TBL1X: variants seen among roughly 807,000 people sequenced by gnomAD.
TBL1X encodes F-box-like/WD repeat-containing protein TBL1X.
A neutral mutation model predicts 50.7 loss-of-function variants in TBL1X; 10 were observed. The ratio of observed to expected loss-of-function variants is 0.20; its 90% CI spans 0.12 to 0.33. The LOEUF is 0.33. Among genes scored for constraint, TBL1X ranks in the 10% least tolerant of loss-of-function variants. The pLI is 1.00. For missense variants in TBL1X, 340 were observed against 504.4 expected (o/e 0.67, Z 3.12); for synonymous variants, 190 against 214.7 (o/e 0.88, Z 1.01).
chrX:9,707,758 A>C (rs898869230), intron 13 of TBL1X, among the ~76,000 whole-genome samples: 3 of 111,936 alleles, frequency 2.7e-5, no homozygotes, highest in African/African-American at 9.7e-5. Context: ...ATGCGTGTGC[A>C]CACTCACAAC....
At chrX:9,478,711 A>G (rs1313380590) in intron 1 of TBL1X, among the ~76,000 whole-genome samples, 1 of 112,394 alleles carries the variant, frequency 8.9e-6, no homozygotes, top group Non-Finnish European at 1.9e-5. Flanking sequence ...ACTCCCGCAG[A>G]TAACATCACT....
intron 2 of TBL1X, among the ~76,000 whole-genome samples, chrX:9,600,306 T>TA (rs758025362): frequency 1.2e-3 from 131 of 109,345 alleles, no homozygotes; most frequent in Middle Eastern, 9.5e-3. Flanking sequence ...TTTTGCTGTG[T>TA]TCTCACATGG....
Position 9,715,122 on chromosome X carries a change from A to G in TBL1X, c.1707+119A>G, listed in dbSNP as rs2083270611. On this transcript the variant is annotated intron_variant, in intron 17 of 17. Transcript: ENST00000645353. The stretch of plus-strand genomic sequence containing the variant: ...AAGGGCCTAGCCCAGTGCCAAAGGA[A>G]GCTTCTGGGCTGGATCCCATCGGAG... The G allele has an allele frequency of 5.8e-6, 4 of 690,675 alleles. No homozygotes were observed. In the South Asian group the frequency reaches 1.0e-4, roughly 18 times the overall value. 56.9% of individuals were successfully genotyped at this position (690,675 alleles called of 1,213,427 possible). A position where few individuals can be genotyped will look rare whatever the true frequency, so the allele number is the denominator to read the frequency against.
chrX:9,704,435 G>A (rs1486250722), intron 12 of TBL1X, among the ~76,000 whole-genome samples: 1 of 112,017 alleles, frequency 8.9e-6, no homozygotes, highest in Non-Finnish European at 1.9e-5. Flanking sequence ...CTGTGCCATG[G>A]GAGCGGGAGA....
intron 2 of TBL1X, among the ~76,000 whole-genome samples, chrX:9,538,902 C>T (rs578040326): frequency 3.5e-5 from 4 of 112,831 alleles, no homozygotes; most frequent in Middle Eastern, 4.6e-3. Context: ...GGCCCCTCCT[C>T]TCAGCACAAG....
At position 9,716,297 on chromosome X, in the gene TBL1X, T is replaced by C. The variant is rs764095083; in HGVS notation, c.*51T>C. Reference sequence around the variant, plus strand: ...AAGAATTCTAATGACCAGCCGTGAATGTGTAGGGTTGCAGCTCTATTCTCC... The same window carrying C: ...AAGAATTCTAATGACCAGCCGTGAACGTGTAGGGTTGCAGCTCTATTCTCC... On this transcript the variant is annotated 3_prime_UTR_variant, in exon 18 of 18. Coordinates refer to ENST00000645353, the MANE Select transcript of TBL1X (RefSeq NM_005647.4). 1.7e-6 allele frequency: 2 copies of C among 1,151,686 alleles called. No individual in the cohort carries two copies. The highest frequency in any genetic ancestry group is 2.4e-6 in the Non-Finnish European group (2 of 849,511). The allele number at this position is 1,151,686 out of a possible 1,213,427, so 94.9% of individuals were successfully genotyped here.
chrX:9,659,838 G>A (rs994173450), intron 5 of TBL1X, among the ~76,000 whole-genome samples: 7 of 112,277 alleles, frequency 6.2e-5, no homozygotes, highest in African/African-American at 2.3e-4. Context: ...TATATCTGCA[G>A]GACGCTCATG....
chrX:9,535,879 T>C (rs907669382), intron 2 of TBL1X, among the ~76,000 whole-genome samples: 2 of 112,114 alleles, frequency 1.8e-5, no homozygotes, highest in East Asian at 2.8e-4. Context: ...GGTATGAGGA[T>C]TGGTGAAACT....
At chrX:9,646,413 A>C (rs1335038469) in intron 3 of TBL1X, among the ~76,000 whole-genome samples, 2 of 112,784 alleles carry the variant, frequency 1.8e-5, no homozygotes, top group Non-Finnish European at 1.9e-5. Context: ...TTATACATAC[A>C]TTTAAAATTC....
intron 2 of TBL1X, among the ~76,000 whole-genome samples, chrX:9,604,711 C>T (rs886101824): frequency 1.9e-4 from 21 of 110,732 alleles, no homozygotes; most frequent in African/African-American, 6.6e-4. Context: ...GTTGGCCGAG[C>T]GCCGCTGGCC....
intron 1 of TBL1X, among the ~76,000 whole-genome samples, chrX:9,492,894 T>TGTGG (rs1555958948): frequency 0.036 from 878 of 24,161 alleles, 66 homozygotes; most frequent in East Asian, 0.096. Flanking sequence ...TGTGTGTGTG[T>TGTGG]GTGTAGGGGA....
At chrX:9,468,068 C>G (rs1356642832) in intron 1 of TBL1X, among the ~76,000 whole-genome samples, 2 of 112,064 alleles carry the variant, frequency 1.8e-5, no homozygotes, top group Non-Finnish European at 3.8e-5. Context: ...AATTGGAAAC[C>G]GTTACAAATG....
chrX:9,526,866 T>TA (rs1480588505), intron 2 of TBL1X, among the ~76,000 whole-genome samples: 2 of 111,710 alleles, frequency 1.8e-5, no homozygotes, highest in African/African-American at 3.3e-5. Flanking sequence ...CTGGAGTTGA[T>TA]AGACTTGTGG....
rs145431800 is a variant in TBL1X at position 9,527,867 on chromosome X, C to T, written c.-131+26018C>T. ...CTGTTGCTCAGGCTGGAGTGCATCACGGCTCCCTACAGCCTTAACGATCCT... is the reference window on the plus strand; with the variant it reads ...CTGTTGCTCAGGCTGGAGTGCATCATGGCTCCCTACAGCCTTAACGATCCT... On this transcript the variant is annotated intron_variant, in intron 2 of 17. Coordinates refer to ENST00000645353, the MANE Select transcript of TBL1X (RefSeq NM_005647.4). Among the ~76,000 whole-genome samples, 53 of 110,779 alleles carry T rather than the reference C, an allele frequency of 4.8e-4. 1 individual carries two copies. In the East Asian group the frequency reaches 0.014, roughly 29 times the overall value.
chrX:9,521,928 G>A (rs749998141), intron 2 of TBL1X, among the ~76,000 whole-genome samples: 1 of 111,305 alleles, frequency 9.0e-6, no homozygotes, highest in East Asian at 2.8e-4. Context: ...TGGCTATGAA[G>A]CACCTGAAAT....
At chrX:9,634,393 G>A (rs1450835980) in intron 2 of TBL1X, among the ~76,000 whole-genome samples, 2 of 111,684 alleles carry the variant, frequency 1.8e-5, no homozygotes, top group East Asian at 5.6e-4. Context: ...AGTGTATGCT[G>A]TAGAAGCACT....
At chrX:9,638,811 A>G (rs1444922247) in intron 2 of TBL1X, among the ~76,000 whole-genome samples, 1 of 112,077 alleles carries the variant, frequency 8.9e-6, no homozygotes, top group East Asian at 2.8e-4. Flanking sequence ...ATTTCATCAT[A>G]AGGCTATTTT....
At chrX:9,491,340 T>TA (rs1569205608) in intron 1 of TBL1X, among the ~76,000 whole-genome samples, 329 of 25,823 alleles carry the variant, frequency 0.013, 1 homozygote, top group East Asian at 0.025. Context: ...ATATATATAT[T>TA]TTTTTTTTTT....
chrX:9,571,088 A>T (rs1225551015), intron 2 of TBL1X, among the ~76,000 whole-genome samples: 5 of 112,292 alleles, frequency 4.5e-5, no homozygotes, highest in African/African-American at 1.6e-4. Context: ...TGGCTTAAAC[A>T]ATAGAAATTT....
Sources: gnomAD v4.1 joint callset for allele counts (sites outside exome capture counted in the v4.1 genomes callset) on GRCh38, gnomAD v4.1.1 for gene constraint, MANE v1.5 for transcripts, NCBI Gene and HGNC (gene_info 2026-07-23, HGNC 2026-07-21) for gene names.